Variants in HPCA observed in about 807,000 individuals in gnomAD.
HPCA encodes hippocalcin, also known as neuron-specific calcium-binding protein hippocalcin.
In HPCA, 4 loss-of-function variants were observed where a neutral mutation model predicts 18.2. The observed-to-expected ratio is 0.22, with a 90% CI of 0.11 to 0.50. The LOEUF is 0.50. Among genes scored for constraint, HPCA ranks in the 20% least tolerant of loss-of-function variants. HPCA has a pLI of 0.97. For missense variants in HPCA, 161 were observed against 265.8 expected (o/e 0.61, Z 2.74); for synonymous variants, 93 against 103.5 (o/e 0.90, Z 0.61).
Position 32,889,367 on chromosome 1 carries a change from C to CA in HPCA, c.378+92dup, listed in dbSNP as rs1641421027. On this transcript the variant is annotated intron_variant, in intron 2 of 3. Coordinates refer to ENST00000373467, the MANE Select transcript of HPCA (RefSeq NM_002143.3). The surrounding 1 kb of genome is among the most constrained non-coding windows in gnomAD (Gnocchi z 4.6). Reference sequence around the variant, plus strand: ...TGATCCTCTCAGCAGACCTCGTAGGCATGTGGTGGCAGGGGATATTCTTGC... The same window carrying CA: ...TGATCCTCTCAGCAGACCTCGTAGGCAATGTGGTGGCAGGGGATATTCTTGC... 7.6e-7 allele frequency: 1 copy of CA among 1,309,036 alleles called. No individual in the cohort carries two copies. Among genetic ancestry groups the CA allele is most frequent in the East Asian group, 2.4e-5 (1 of 41,324 alleles). The allele number at this position is 1,309,036 out of a possible 1,614,324, so 81.1% of individuals were successfully genotyped here. A position where few individuals can be genotyped will look rare whatever the true frequency, so the allele number is the denominator to read the frequency against.
intron 2 of HPCA, among the ~76,000 whole-genome samples, chr1:32,892,892 G>C (rs1641479445): frequency 6.6e-6 from 1 of 152,168 alleles, no homozygotes; most frequent in East Asian, 1.9e-4. Flanking sequence ...GCTACTGCAC[G>C]TGGCGGCTGC....
In HPCA at chr1:32,893,688, C is replaced by T. The variant is rs1641509803; in HGVS notation, c.484+59C>T. The T allele has an allele frequency of 1.3e-6, 2 of 1,482,408 alleles. No homozygotes were observed. Among genetic ancestry groups the T allele is most frequent in the Admixed American group, 3.5e-5 (2 of 57,386 alleles). The allele number at this position is 1,482,408 out of a possible 1,614,324, so 91.8% of individuals were successfully genotyped here. Reference sequence around the variant, plus strand: ...CGGGCGCCTTTCCCTCCCTCCCTCCCTGCCTCCCTTTCCCGCTCCGCCTCC... The same window carrying T: ...CGGGCGCCTTTCCCTCCCTCCCTCCTTGCCTCCCTTTCCCGCTCCGCCTCC... On this transcript the variant is annotated intron_variant, in intron 3 of 3. Transcript: ENST00000373467. This position sits in a 1 kb window ranked among gnomAD's most constrained non-coding sequence, Gnocchi z 7.5.
Position 32,893,755 on chromosome 1 carries a change from C to G in HPCA, c.485-10C>G. ...CCTCCTCCCCCATCACCGCTCCCCT[C>G]GCCCTGCAGGCAAGCTGTCCTTGGA... On this transcript the variant is annotated splice_polypyrimidine_tract_variant and intron_variant, in intron 3 of 3. Transcript: ENST00000373467. This position sits in a 1 kb window ranked among gnomAD's most constrained non-coding sequence, Gnocchi z 7.5. 1 of 1,571,344 alleles carries G rather than the reference C, an allele frequency of 6.4e-7. No individual in the cohort carries two copies. The highest frequency in any genetic ancestry group is 8.6e-7 in the Non-Finnish European group (1 of 1,158,514).
chr1:32,889,285 CT>C lies in HPCA; in HGVS notation c.378+10del, dbSNP rs1430191957. 1.9e-6 allele frequency: 3 copies of C among 1,602,366 alleles called. No homozygotes were observed. On this transcript the variant is annotated intron_variant, in intron 2 of 3. Coordinates refer to ENST00000373467, the MANE Select transcript of HPCA (RefSeq NM_002143.3). The surrounding 1 kb of genome is among the most constrained non-coding windows in gnomAD (Gnocchi z 4.6). Reference sequence around the variant, plus strand: ...TGCTGGAGATCGTGCAGGTGGGCCCCTGGGCCCCTCAGAATGCCAGGCACAG... The same window carrying C: ...TGCTGGAGATCGTGCAGGTGGGCCCCGGGCCCCTCAGAATGCCAGGCACAG...
In HPCA at chr1:32,893,546, C is replaced by T. The variant is rs1429701551; in HGVS notation, c.401C>T (p.Ser134Phe). 6.2e-7 allele frequency: 1 copy of T among 1,613,592 alleles called. No homozygotes were observed. Among genetic ancestry groups the T allele is most frequent in the Non-Finnish European group, 8.5e-7 (1 of 1,179,590 alleles). The change falls in exon 3 of 4, where the codon TCC (serine) becomes TTC (phenylalanine). Residue 134 changes from serine to phenylalanine, a missense_variant. Coordinates refer to ENST00000373467, the MANE Select transcript of HPCA (RefSeq NM_002143.3). The surrounding 1 kb of genome is among the most constrained non-coding windows in gnomAD (Gnocchi z 7.5). Reference sequence around the variant, plus strand: ...CAGGCCATTTACAAGATGGTTTCGTCCGTGATGAAGATGCCGGAGGACGAG... The same window carrying T: ...CAGGCCATTTACAAGATGGTTTCGTTCGTGATGAAGATGCCGGAGGACGAG... ...IVQAIYKMVSSVMKMPEDEST... is the reference protein window; with the variant it reads ...IVQAIYKMVSFVMKMPEDEST...
At position 32,893,520 on chromosome 1, in the gene HPCA, C is replaced by A. The variant is rs557895597; in HGVS notation, c.379-4C>A. On this transcript the variant is annotated splice_region_variant and splice_polypyrimidine_tract_variant and intron_variant, in intron 2 of 3. Coordinates refer to ENST00000373467, the MANE Select transcript of HPCA (RefSeq NM_002143.3). The surrounding 1 kb of genome is among the most constrained non-coding windows in gnomAD (Gnocchi z 7.5). ...TCACTCCCCGCCTCCCCTCCCGCCCCCAGGCCATTTACAAGATGGTTTCGT... is the reference window on the plus strand; with the variant it reads ...TCACTCCCCGCCTCCCCTCCCGCCCACAGGCCATTTACAAGATGGTTTCGT... 3 of 1,609,394 alleles carry A rather than the reference C, an allele frequency of 1.9e-6. No individual in the cohort carries two copies. The Admixed American group carries it at 5.0e-5, about 27-fold the overall frequency.
In HPCA at chr1:32,893,790, C is replaced by G; in HGVS notation, c.510C>G (p.Ile170Met). The G allele has an allele frequency of 6.3e-7, 1 of 1,579,946 alleles. No homozygotes were observed. Among genetic ancestry groups the G allele is most frequent in the South Asian group, 1.2e-5 (1 of 86,520 alleles). ...GCAAGCTGTCCTTGGAGGAGTTCATCCGCGGGGCCAAAAGCGACCCGTCCA... is the reference window on the plus strand; with the variant it reads ...GCAAGCTGTCCTTGGAGGAGTTCATGCGCGGGGCCAAAAGCGACCCGTCCA... ...NDGKLSLEEF[I>M]RGAKSDPSIV... Residue 170 changes from isoleucine to methionine, a missense_variant, in exon 4 of 4, where the codon ATC becomes ATG. Physicochemically the swap from Ile to Met is conservative, Grantham distance 10 (BLOSUM62 1). Coordinates refer to ENST00000373467, the MANE Select transcript of HPCA (RefSeq NM_002143.3). The surrounding 1 kb of genome is among the most constrained non-coding windows in gnomAD (Gnocchi z 7.5).
intron 2 of HPCA, among the ~76,000 whole-genome samples, chr1:32,891,403 G>A (rs1195894770): frequency 1.3e-5 from 2 of 152,374 alleles, no homozygotes; most frequent in South Asian, 4.1e-4. Context: ...GGACACACTG[G>A]AGAGGAAGAG....
chr1:32,887,006 C>T (rs1199558677), intron 1 of HPCA, among the ~76,000 whole-genome samples: 1 of 152,212 alleles, frequency 6.6e-6, no homozygotes. Flanking sequence ...TCTGCCCCCA[C>T]CCCGGTGACC....
chr1:32,892,587 G>C (rs552775104), intron 2 of HPCA, among the ~76,000 whole-genome samples: 1 of 152,284 alleles, frequency 6.6e-6, no homozygotes, highest in East Asian at 1.9e-4. Context: ...GGCTGGGGAC[G>C]TAACAGTGGA....
At chr1:32,892,541 G>T (rs1335736202) in intron 2 of HPCA, among the ~76,000 whole-genome samples, 2 of 152,176 alleles carry the variant, frequency 1.3e-5, no homozygotes, top group Non-Finnish European at 2.9e-5. Context: ...CCTAAGAGGA[G>T]GCCTGTGTGT....
At chr1:32,891,665 CAT>C (rs1370103314) in intron 2 of HPCA, among the ~76,000 whole-genome samples, 1 of 152,184 alleles carries the variant, frequency 6.6e-6, no homozygotes, top group Non-Finnish European at 1.5e-5. Context: ...CTCACAGATA[CAT>C]ATATGTCCAA....
rs781778640 is a variant in HPCA at position 32,893,562 on chromosome 1, G to A, written c.417G>A (p.Pro139=). 13 of 1,613,736 alleles carry A rather than the reference G, an allele frequency of 8.1e-6. No individual in the cohort carries two copies. The highest frequency in any genetic ancestry group is 1.7e-6 in the Non-Finnish European group (2 of 1,179,874). ...YKMVSSVMKM[P]EDESTPEKRT... ...TGGTTTCGTCCGTGATGAAGATGCC[G>A]GAGGACGAGTCGACCCCGGAAAAGA... is the stretch of plus-strand genomic sequence containing the variant. Residue 139 remains proline, a synonymous_variant, in exon 3 of 4, where the codon CCG becomes CCA. Coordinates refer to ENST00000373467, the MANE Select transcript of HPCA (RefSeq NM_002143.3). This position sits in a 1 kb window ranked among gnomAD's most constrained non-coding sequence, Gnocchi z 7.5.
Position 32,889,360 on chromosome 1 carries a change from T to C in HPCA, c.378+84T>C. 1 of 1,394,116 alleles carries C rather than the reference T, an allele frequency of 7.2e-7. No homozygotes were observed. The highest frequency in any genetic ancestry group is 9.7e-7 in the Non-Finnish European group (1 of 1,032,234). 86.4% of individuals were successfully genotyped at this position (1,394,116 alleles called of 1,614,324 possible). A position where few individuals can be genotyped will look rare whatever the true frequency, so the allele number is the denominator to read the frequency against. ...CCCCTTTTGATCCTCTCAGCAGACCTCGTAGGCATGTGGTGGCAGGGGATA... is the reference window on the plus strand; with the variant it reads ...CCCCTTTTGATCCTCTCAGCAGACCCCGTAGGCATGTGGTGGCAGGGGATA... On this transcript the variant is annotated intron_variant, in intron 2 of 3. Transcript: ENST00000373467. The surrounding 1 kb of genome is among the most constrained non-coding windows in gnomAD (Gnocchi z 4.6).
chr1:32,893,747 G>T lies in HPCA; in HGVS notation c.485-18G>T. The T allele has an allele frequency of 7.6e-7, 1 of 1,315,622 alleles. No homozygotes were observed. Among genetic ancestry groups the T allele is most frequent in the South Asian group, 1.2e-5 (1 of 82,240 alleles). 81.5% of individuals were successfully genotyped at this position (1,315,622 alleles called of 1,614,324 possible). ...GGCTGCCGCCTCCTCCCCCATCACCGCTCCCCTCGCCCTGCAGGCAAGCTG... is the reference window on the plus strand; with the variant it reads ...GGCTGCCGCCTCCTCCCCCATCACCTCTCCCCTCGCCCTGCAGGCAAGCTG... On this transcript the variant is annotated intron_variant, in intron 3 of 3. Transcript: ENST00000373467. The surrounding 1 kb of genome is among the most constrained non-coding windows in gnomAD (Gnocchi z 7.5).
At chr1:32,888,816 G>C in intron 1 of HPCA, 62 bp from the exon 2 acceptor site, 2 of 1,445,764 alleles carry the variant, frequency 1.4e-6, no homozygotes, top group Non-Finnish European at 1.9e-6. Context: ...ATCTGGAGCA[G>C]TGTCTAGTAG....
Position 32,893,453 on chromosome 1 carries a change from G to A in HPCA, c.379-71G>A, listed in dbSNP as rs987799748. The A allele has an allele frequency of 9.3e-7, 1 of 1,080,284 alleles. No homozygotes were observed. The highest frequency in any genetic ancestry group is 1.6e-5 in the African/African-American group (1 of 64,058). The allele number at this position is 1,080,284 out of a possible 1,614,324, so 66.9% of individuals were successfully genotyped here. A position where few individuals can be genotyped will look rare whatever the true frequency, so the allele number is the denominator to read the frequency against. ...GCAGCAAACGTCAGAGAGCCCGGGG[G>A]CGCCTCTGAATCTTGCGGGTGGGGG... On this transcript the variant is annotated intron_variant, in intron 2 of 3. Coordinates refer to ENST00000373467, the MANE Select transcript of HPCA (RefSeq NM_002143.3). The surrounding 1 kb of genome is among the most constrained non-coding windows in gnomAD (Gnocchi z 7.5).
At position 32,886,916 on chromosome 1, in the gene HPCA, T is replaced by C. The variant is rs984082250; in HGVS notation, c.-22+401T>C. Among the ~76,000 whole-genome samples the C allele has an allele frequency of 1.3e-5, 2 of 152,132 alleles. No individual in the cohort carries two copies. The highest frequency in any genetic ancestry group is 4.8e-5 in the African/African-American group (2 of 41,426). On this transcript the variant is annotated intron_variant, in intron 1 of 3. Coordinates refer to ENST00000373467, the MANE Select transcript of HPCA (RefSeq NM_002143.3). This position sits in a 1 kb window ranked among gnomAD's most constrained non-coding sequence, Gnocchi z 7.0. Reference sequence around the variant, plus strand: ...GGAGGTCTTTGCGGGCAGCTGAATCTTCTTGCAACCGGGAGGGGCAACTCC... The same window carrying C: ...GGAGGTCTTTGCGGGCAGCTGAATCCTCTTGCAACCGGGAGGGGCAACTCC...
rs910505105 is a variant in HPCA at position 32,893,471 on chromosome 1, G to A, written c.379-53G>A. On this transcript the variant is annotated intron_variant, in intron 2 of 3. Transcript: ENST00000373467. This position sits in a 1 kb window ranked among gnomAD's most constrained non-coding sequence, Gnocchi z 7.5. The stretch of plus-strand genomic sequence containing the variant: ...CCCGGGGGCGCCTCTGAATCTTGCG[G>A]GTGGGGGCTCGGGCAGGCTCCTCTC... 7.6e-7 allele frequency: 1 copy of A among 1,315,142 alleles called. No individual in the cohort carries two copies. Among genetic ancestry groups the A allele is most frequent in the South Asian group, 1.2e-5 (1 of 83,462 alleles). 81.5% of individuals were successfully genotyped at this position (1,315,142 alleles called of 1,614,324 possible).
Sources: allele counts gnomAD v4.1 joint callset (sites outside exome capture counted in the v4.1 genomes callset), GRCh38; gene constraint gnomAD v4.1.1; non-coding constraint Gnocchi (gnomAD v3.1); transcripts MANE v1.5; gene names NCBI Gene and HGNC (gene_info 2026-07-23, HGNC 2026-07-21).